RUNX3: variants seen among roughly 807,000 people sequenced by gnomAD.
RUNX3 encodes runt-related transcription factor 3.
In RUNX3, 10 loss-of-function variants were observed where a neutral mutation model predicts 27.7. The observed-to-expected ratio is 0.36, with a 90% CI of 0.22 to 0.61. The LOEUF (loss-of-function observed/expected upper bound fraction) is 0.61. Among genes scored for constraint, RUNX3 ranks in the 20% least tolerant of loss-of-function variants. RUNX3 has a pLI of 0.72. For synonymous variants in RUNX3, 270 were observed against 269.2 expected, an observed-to-expected ratio of 1.00 and a Z score of -0.03; for missense variants, 469 against 629.5, an observed-to-expected ratio of 0.75 and a Z score of 2.73.
chr1:24,918,964 T>C (rs1640941435), intron 3 of RUNX3, among the ~76,000 whole-genome samples: 1 of 152,166 alleles, frequency 6.6e-6, no homozygotes, highest in Non-Finnish European at 1.5e-5. Flanking sequence ...AAATGCCATA[T>C]CTGAAAGCTT....
intron 2 of RUNX3, among the ~76,000 whole-genome samples, chr1:24,945,883 C>T (rs1411061918): frequency 6.6e-6 from 1 of 152,204 alleles, no homozygotes; most frequent in Admixed American, 6.5e-5. Context: ...TTTCCCCTCC[C>T]CACCATGGCC....
At chr1:24,917,510 C>T (rs968310556) in intron 3 of RUNX3, among the ~76,000 whole-genome samples, 2 of 152,156 alleles carry the variant, frequency 1.3e-5, no homozygotes, top group Non-Finnish European at 1.5e-5. Flanking sequence ...ATCTCCAGGT[C>T]CGCAGGGTGG....
chr1:24,937,704 T>G (rs905313929), intron 2 of RUNX3, among the ~76,000 whole-genome samples: 1 of 152,240 alleles, frequency 6.6e-6, no homozygotes, highest in East Asian at 1.9e-4. Context: ...TATTCCCAGA[T>G]AACAGAAGGC....
At chr1:24,933,442 G>C (rs1252747215), upstream of RUNX3, among the ~76,000 whole-genome samples, 1 of 152,174 alleles carries the variant, frequency 6.6e-6, no homozygotes, top group Non-Finnish European at 1.5e-5. Context: ...TCCTTGCTGG[G>C]GGCCTTTGAC....
intron 2 of RUNX3, among the ~76,000 whole-genome samples, chr1:24,948,312 G>A (rs1641664771): frequency 6.6e-6 from 1 of 152,250 alleles, no homozygotes; most frequent in Admixed American, 6.5e-5. Context: ...GTCTGTTGCA[G>A]CAGGTGCGGC....
At position 24,900,083 on chromosome 1, in the gene RUNX3, C is replaced by G. The variant is rs1181807403; in HGVS notation, c.*2039G>C. On this transcript the variant is annotated 3_prime_UTR_variant, in exon 5 of 5. Coordinates refer to ENST00000308873, the MANE Select transcript of RUNX3 (RefSeq NM_004350.3). The stretch of plus-strand genomic sequence containing the variant: ...AACCCAAAGGTGCCTCCCACGCTGA[C>G]CTGGGACCAGCTATAACCAGAGAAC... 1.3e-5 allele frequency: 2 copies of G among 152,412 alleles called. No individual in the cohort carries two copies. Among genetic ancestry groups the G allele is most frequent in the Non-Finnish European group, 2.9e-5 (2 of 68,062 alleles). The allele number at this position is 152,412 out of a possible 1,614,324, so 9.4% of individuals were successfully genotyped here. A position where few individuals can be genotyped will look rare whatever the true frequency, so the allele number is the denominator to read the frequency against.
chr1:24,962,394 G>A lies in RUNX3; in HGVS notation c.58+2120C>T, dbSNP rs925744863. Among the ~76,000 whole-genome samples, 6 of 152,322 alleles carry A rather than the reference G, an allele frequency of 3.9e-5. No homozygotes were observed. The highest frequency in any genetic ancestry group is 9.6e-5 in the African/African-American group (4 of 41,568). ...AGGTTCCCTGAGACTGCCAAGGGTCGGTGGGTTAGGGACCCTGTAGGGGGC... is the reference window on the plus strand; with the variant it reads ...AGGTTCCCTGAGACTGCCAAGGGTCAGTGGGTTAGGGACCCTGTAGGGGGC... On this transcript the variant is annotated intron_variant, in intron 2 of 6. Transcript: ENST00000338888. The surrounding 1 kb of genome is among the most constrained non-coding windows in gnomAD (Gnocchi z 4.5).
At chr1:24,919,759 C>G (rs554015381) in intron 2 of RUNX3, among the ~76,000 whole-genome samples, 19 of 150,962 alleles carry the variant, frequency 1.3e-4, no homozygotes, top group South Asian at 4.2e-4. Flanking sequence ...GACACCCCCC[C>G]CCCACGGTTC....
chr1:24,959,591 C>T (rs1447951075), intron 2 of RUNX3, among the ~76,000 whole-genome samples: 1 of 152,120 alleles, frequency 6.6e-6, no homozygotes, highest in Non-Finnish European at 1.5e-5. Flanking sequence ...TTTCCTGGGA[C>T]GTGGAGCTTT....
intron 3 of RUNX3, among the ~76,000 whole-genome samples, chr1:24,907,664 G>A (rs559106813): frequency 4.8e-4 from 71 of 147,624 alleles, no homozygotes; most frequent in Middle Eastern, 3.5e-3. Context: ...TCTACAACAC[G>A]CGGTGATCTA....
intron 3 of RUNX3, among the ~76,000 whole-genome samples, chr1:24,915,841 C>T (rs1302346390): frequency 6.6e-6 from 1 of 152,146 alleles, no homozygotes; most frequent in African/African-American, 2.4e-5. Flanking sequence ...TGGTCCATGC[C>T]AGACTTGCCA....
At chr1:24,956,079 C>A (rs2124376573) in intron 2 of RUNX3, among the ~76,000 whole-genome samples, 1 of 152,358 alleles carries the variant, frequency 6.6e-6, no homozygotes, top group Admixed American at 6.5e-5. Flanking sequence ...CCGGGGCAGA[C>A]CCTTGCTCCA....
intron 4 of RUNX3, 122 bp downstream of exon 4, chr1:24,907,137 T>C: frequency 9.6e-7 from 1 of 1,043,472 alleles, no homozygotes; most frequent in South Asian, 1.6e-5. Context: ...GCAGCTCCTC[T>C]ACAAAACAAG....
chr1:24,916,795 G>A lies in RUNX3; in HGVS notation c.544+2445C>T, dbSNP rs549337465. On this transcript the variant is annotated intron_variant, in intron 3 of 4. Coordinates refer to ENST00000308873, the MANE Select transcript of RUNX3 (RefSeq NM_004350.3). This position sits in a 1 kb window ranked among gnomAD's most constrained non-coding sequence, Gnocchi z 4.8. Reference sequence around the variant, plus strand: ...AAATAAAACCACTGATCCAGCCGCTGCCGGGGCCCAGAGAGGGAGGTCACC... The same window carrying A: ...AAATAAAACCACTGATCCAGCCGCTACCGGGGCCCAGAGAGGGAGGTCACC... Among the ~76,000 whole-genome samples, 2 of 152,270 alleles carry A rather than the reference G, an allele frequency of 1.3e-5. No individual in the cohort carries two copies. The highest frequency in any genetic ancestry group is 2.1e-4 in the South Asian group (1 of 4,824).
intron 3 of RUNX3, among the ~76,000 whole-genome samples, chr1:24,918,113 G>C (rs1165057382): frequency 6.6e-6 from 1 of 152,164 alleles, no homozygotes; most frequent in Admixed American, 6.5e-5. Flanking sequence ...CAGGGCTGCT[G>C]GACTCAGCTC....
rs574332804 is a variant in RUNX3 at position 24,911,791 on chromosome 1, C to CATG, written c.545-4377_545-4375dup. ...TTAGACGGGGCCACCGAGGCTTCAC[C>CATG]ATGAGACCGACGCTGAGCGCCTGTT... On this transcript the variant is annotated intron_variant, in intron 3 of 4. Coordinates refer to ENST00000308873, the MANE Select transcript of RUNX3 (RefSeq NM_004350.3). Among the ~76,000 whole-genome samples, 414 of 152,334 alleles carry CATG rather than the reference C, an allele frequency of 2.7e-3. 1 individual carries two copies. The highest frequency in any genetic ancestry group is 4.4e-3 in the Non-Finnish European group (301 of 68,032).
At chr1:24,907,170 G>T in intron 4 of RUNX3, 89 bp downstream of exon 4, 1 of 1,370,714 alleles carries the variant, frequency 7.3e-7, no homozygotes, top group Non-Finnish European at 9.9e-7. Flanking sequence ...CTGATCTTCG[G>T]ACAGGCTTTT....
chr1:24,964,610 G>A (rs1270112914), exon 2 of RUNX3: 1 of 1,592,226 alleles, frequency 6.3e-7, no homozygotes, highest in African/African-American at 1.3e-5. Flanking sequence ...CAGCCCTTCA[G>A]GGGGTTGGGT....
In RUNX3 at chr1:24,927,460, A is replaced by C. The variant is rs1641120330; in HGVS notation, c.439+114T>G. On this transcript the variant is annotated intron_variant, in intron 2 of 4. Coordinates refer to ENST00000308873, the MANE Select transcript of RUNX3 (RefSeq NM_004350.3). The surrounding 1 kb of genome is among the most constrained non-coding windows in gnomAD (Gnocchi z 5.0). ...GGATTACAAATTGCTGTTTTTAGAC[A>C]GAGCTGCATCTGGAGACCTGTTTTT... 1 of 978,010 alleles carries C rather than the reference A, an allele frequency of 1.0e-6. No individual in the cohort carries two copies. The highest frequency in any genetic ancestry group is 1.6e-6 in the Non-Finnish European group (1 of 627,262). The allele number at this position is 978,010 out of a possible 1,614,324, so 60.6% of individuals were successfully genotyped here.
Sources: gnomAD v4.1 joint callset for allele counts (sites outside exome capture counted in the v4.1 genomes callset) on GRCh38, gnomAD v4.1.1 for gene constraint, Gnocchi (gnomAD v3.1) non-coding constraint, MANE v1.5 for transcripts, NCBI Gene and HGNC (gene_info 2026-07-23, HGNC 2026-07-21) for gene names.